Variants in KCNAB1 observed in about 807,000 individuals in gnomAD.
KCNAB1 encodes the protein potassium voltage-gated channel subfamily A regulatory beta subunit 1.
KCNAB1 carries 35 observed loss-of-function variants against 64.6 expected under a neutral mutation model. That is an observed-to-expected ratio of 0.54 (90% confidence interval 0.41 to 0.72). KCNAB1 has a LOEUF of 0.72. KCNAB1 is among the 30% of genes least tolerant of loss of function. KCNAB1 has a pLI of 0.00. For synonymous variants in KCNAB1, 177 were observed against 183.8 expected (o/e 0.96, Z 0.30); for missense variants, 401 against 512.9 (o/e 0.78, Z 2.11).
intron 1 of KCNAB1, among the ~76,000 whole-genome samples, chr3:156,169,207 A>G (rs929253115): frequency 2.6e-5 from 4 of 152,196 alleles, no homozygotes; most frequent in Non-Finnish European, 5.9e-5. Context: ...CACAGTTAGA[A>G]TCTTGAGTGC....
chr3:156,240,031 G>A (rs13069920), intron 1 of KCNAB1, among the ~76,000 whole-genome samples: 17,407 of 152,138 alleles, frequency 0.11, 1,191 homozygotes, highest in Non-Finnish European at 0.15. Context: ...ACACTAATGA[G>A]GTCATTTACA....
rs74989258 is a variant in KCNAB1, at chr3:156,146,804, C to T, written c.275+25918C>T. On this transcript the variant is annotated intron_variant, in intron 1 of 13. Transcript: ENST00000490337. The stretch of plus-strand genomic sequence containing the variant: ...ACAAATCTTATTTTTTCCTCCAAAC[C>T]ACTAAAAATGTAAAAATCATTCTTA... Among the ~76,000 whole-genome samples the T allele has an allele frequency of 6.4e-4, 98 of 152,150 alleles. No homozygotes were observed. In the East Asian group the frequency reaches 0.016, roughly 25 times the overall value.
chr3:156,426,992 G>A (rs899390164), intron 2 of KCNAB1, among the ~76,000 whole-genome samples: 1 of 152,202 alleles, frequency 6.6e-6, no homozygotes, highest in Non-Finnish European at 1.5e-5. Context: ...GTTGAGGCTG[G>A]AGGCAGGGAA....
chr3:156,351,822 C>T (rs1359807588), intron 1 of KCNAB1, among the ~76,000 whole-genome samples: 3 of 152,216 alleles, frequency 2.0e-5, no homozygotes, highest in Non-Finnish European at 2.9e-5. Flanking sequence ...TTCCTCTGGT[C>T]TCTCTCCCTG....
chr3:156,338,396 C>T (rs576616494), intron 1 of KCNAB1, among the ~76,000 whole-genome samples: 63 of 145,348 alleles, frequency 4.3e-4, no homozygotes, highest in South Asian at 4.2e-3. Flanking sequence ...CCGCAACCTC[C>T]GCCTCCCGGG....
chr3:156,357,839 T>C (rs1396720718), intron 1 of KCNAB1, among the ~76,000 whole-genome samples: 1 of 148,168 alleles, frequency 6.7e-6, no homozygotes, highest in Non-Finnish European at 1.5e-5. Flanking sequence ...ATAAATACTA[T>C]AGTTTTTATA....
chr3:156,295,069 A>ACAAACAAACAAG (rs1384573022), intron 1 of KCNAB1, among the ~76,000 whole-genome samples: 1 of 152,194 alleles, frequency 6.6e-6, no homozygotes, highest in Non-Finnish European at 1.5e-5. Context: ...AAATAACAAA[A>ACAAACAAACAAG]CAAACAAACA....
intron 1 of KCNAB1, chr3:156,292,245 T>C: frequency 1.7e-6 from 2 of 1,158,692 alleles, no homozygotes; most frequent in South Asian, 2.9e-5. Flanking sequence ...ACTTTAGAAT[T>C]CTCAGGTGGT....
At chr3:156,202,272 C>T (rs1158776206) in intron 1 of KCNAB1, among the ~76,000 whole-genome samples, 2 of 152,194 alleles carry the variant, frequency 1.3e-5, no homozygotes, top group African/African-American at 4.8e-5. Flanking sequence ...ATTCCAGAGG[C>T]CTGTGGTGAG....
At chr3:156,144,227 G>C (rs1714908590) in intron 1 of KCNAB1, among the ~76,000 whole-genome samples, 1 of 152,120 alleles carries the variant, frequency 6.6e-6, no homozygotes, top group East Asian at 1.9e-4. Flanking sequence ...AAACAATTTA[G>C]CAATTGTAAG....
chr3:156,184,360 A>G (rs2108351291), intron 1 of KCNAB1, among the ~76,000 whole-genome samples: 1 of 152,284 alleles, frequency 6.6e-6, no homozygotes, highest in South Asian at 2.1e-4. Flanking sequence ...TACCAAAAGG[A>G]ATCTTATATT....
intron 1 of KCNAB1, among the ~76,000 whole-genome samples, chr3:156,132,013 GA>G (rs1472225228): frequency 6.6e-6 from 1 of 152,218 alleles, no homozygotes; most frequent in African/African-American, 2.4e-5. Flanking sequence ...CAACTGCAAA[GA>G]AGGCTGGGAA....
intron 1 of KCNAB1, among the ~76,000 whole-genome samples, chr3:156,293,217 A>G (rs1283652248): frequency 6.6e-6 from 1 of 152,156 alleles, no homozygotes; most frequent in Non-Finnish European, 1.5e-5. Context: ...CTCTGACTTT[A>G]TTTCTTTAAA....
intron 1 of KCNAB1, among the ~76,000 whole-genome samples, chr3:156,285,780 T>C (rs1232070173): frequency 1.3e-5 from 2 of 152,208 alleles, no homozygotes; most frequent in African/African-American, 4.8e-5. Context: ...GTTGTGATTA[T>C]AGGTATGAGC....
downstream of KCNAB1, chr3:156,538,936 C>G (rs1719267763): frequency 1.3e-5 from 2 of 152,160 alleles, no homozygotes; most frequent in African/African-American, 4.8e-5. Flanking sequence ...AAATCAAAAC[C>G]AAATATAAAT....
intron 1 of KCNAB1, chr3:156,143,241 C>T (rs763329200): frequency 4.5e-5 from 72 of 1,613,730 alleles, no homozygotes; most frequent in South Asian, 4.4e-5. Context: ...TGCCAAAATC[C>T]AGTGAATCGG....
chr3:156,465,014 G>A (rs1713257453), intron 6 of KCNAB1, among the ~76,000 whole-genome samples: 1 of 152,086 alleles, frequency 6.6e-6, no homozygotes, highest in African/African-American at 2.4e-5. Context: ...AGCTGCCAAA[G>A]GTATTGATGT....
chr3:156,316,110 T>A (rs1722255161), intron 1 of KCNAB1, among the ~76,000 whole-genome samples: 1 of 152,260 alleles, frequency 6.6e-6, no homozygotes, highest in Admixed American at 6.5e-5. Flanking sequence ...CTTTTAAGGT[T>A]GTTTCACATC....
chr3:156,508,911 T>C lies in KCNAB1; in HGVS notation c.659-5453T>C, dbSNP rs1356461995. 1.3e-5 allele frequency among the ~76,000 whole-genome samples: 2 copies of C among 152,204 alleles called. No individual in the cohort carries two copies. The highest frequency in any genetic ancestry group is 1.5e-5 in the Non-Finnish European group (1 of 68,030). ...CTGGAAAGGAGCGCAGAGGGAGGAC[T>C]TAACAAAGTCTTTCAATAGTTTAGT... On this transcript the variant is annotated intron_variant, in intron 8 of 13. Transcript: ENST00000490337. This position sits in a 1 kb window ranked among gnomAD's most constrained non-coding sequence, Gnocchi z 4.1.
Sources: allele counts gnomAD v4.1 joint callset (sites outside exome capture counted in the v4.1 genomes callset), GRCh38; gene constraint gnomAD v4.1.1; non-coding constraint Gnocchi (gnomAD v3.1); transcripts MANE v1.5; gene names NCBI Gene and HGNC (gene_info 2026-07-23, HGNC 2026-07-21).